KCNN2: variants seen among roughly 807,000 people sequenced by gnomAD.
The protein encoded by KCNN2 is potassium calcium-activated channel subfamily N member 2.
In KCNN2, 24 loss-of-function variants were observed where a neutral mutation model predicts 55.5. That is an observed-to-expected ratio of 0.43 (90% confidence interval 0.31 to 0.61). The LOEUF is 0.61. KCNN2 is among the 20% of genes least tolerant of loss of function. The probability of loss-of-function intolerance (pLI) is 0.08; values close to 1 mark genes in which losing one functional copy is unlikely to be tolerated. For missense variants in KCNN2, 754 were observed against 853.6 expected, an observed-to-expected ratio of 0.88 and a Z score of 1.45; for synonymous variants, 431 against 336.1, an observed-to-expected ratio of 1.28 and a Z score of -3.09.
chr5:114,077,848 T>G (rs1750715464), intron 1 of KCNN2, among the ~76,000 whole-genome samples: 1 of 152,148 alleles, frequency 6.6e-6, no homozygotes, highest in African/African-American at 2.4e-5. Context: ...AGGGGGGTGG[T>G]GAAGACTTGC....
At chr5:114,062,210 A>G (rs947986432) in intron 1 of KCNN2, among the ~76,000 whole-genome samples, 4 of 152,122 alleles carry the variant, frequency 2.6e-5, no homozygotes, top group Non-Finnish European at 4.4e-5. Flanking sequence ...GTATTTACCT[A>G]ATCTACTTCT....
chr5:114,272,344 A>G (rs1257044941), intron 2 of KCNN2, among the ~76,000 whole-genome samples: 1 of 56,590 alleles, frequency 1.8e-5, no homozygotes, highest in Non-Finnish European at 4.3e-5. Flanking sequence ...ACACACATAT[A>G]TGTATGTACA....
rs568260919 is a variant in KCNN2 at position 114,298,464 on chromosome 5, A to T, written c.-184-62481A>T. On this transcript the variant is annotated intron_variant, in intron 2 of 10. Coordinates refer to the KCNN2 transcript ENST00000512097. ...TTGCAACACTGGTGGCAATCCCAGCATACCCTAAGTGATCACCAGGAGATG... is the reference window on the plus strand; with the variant it reads ...TTGCAACACTGGTGGCAATCCCAGCTTACCCTAAGTGATCACCAGGAGATG... 4.2e-3 allele frequency among the ~76,000 whole-genome samples: 637 copies of T among 152,352 alleles called. 1 individual carries two copies. Among genetic ancestry groups the T allele is most frequent in the Middle Eastern group, 0.02 (6 of 294 alleles).
At chr5:114,145,936 T>G (rs1752390105) in intron 1 of KCNN2, among the ~76,000 whole-genome samples, 1 of 152,076 alleles carries the variant, frequency 6.6e-6, no homozygotes, top group South Asian at 2.1e-4. Flanking sequence ...GACGGTTGGA[T>G]GTGCTAGTTG....
intron 3 of KCNN2, among the ~76,000 whole-genome samples, chr5:114,453,413 C>T (rs548596125): frequency 6.6e-6 from 1 of 152,272 alleles, no homozygotes; most frequent in East Asian, 1.9e-4. Context: ...TATTTTTCTC[C>T]TCTTAGAAAC....
chr5:114,233,565 GT>G (rs1308304816), intron 2 of KCNN2, among the ~76,000 whole-genome samples: 1 of 152,042 alleles, frequency 6.6e-6, no homozygotes, highest in Non-Finnish European at 1.5e-5. Context: ...AGCCAACTTA[GT>G]TTTGGTCTTT....
chr5:114,346,118 A>G (rs116452228), intron 2 of KCNN2, among the ~76,000 whole-genome samples: 1 of 152,180 alleles, frequency 6.6e-6, no homozygotes, highest in Non-Finnish European at 1.5e-5. Flanking sequence ...AGGCAAAGAC[A>G]AGAGCAGGCA....
intron 3 of KCNN2, among the ~76,000 whole-genome samples, chr5:114,413,231 A>T (rs1410535465): frequency 6.6e-6 from 1 of 151,736 alleles, no homozygotes. Flanking sequence ...CTCAAATTCA[A>T]TTTTCTCTTC....
intron 2 of KCNN2, among the ~76,000 whole-genome samples, chr5:114,292,788 G>A (rs567597517): frequency 6.6e-6 from 1 of 152,266 alleles, no homozygotes; most frequent in East Asian, 1.9e-4. Context: ...TGGCAGTATG[G>A]CCATTTTCAC....
chr5:114,471,474 G>T (rs1309435100), intron 4 of KCNN2, among the ~76,000 whole-genome samples: 1 of 152,160 alleles, frequency 6.6e-6, no homozygotes, highest in Non-Finnish European at 1.5e-5. Flanking sequence ...CAATCCAGTT[G>T]AATTCATGTA....
chr5:114,073,282 A>G (rs1750615863), intron 1 of KCNN2, among the ~76,000 whole-genome samples: 1 of 152,222 alleles, frequency 6.6e-6, no homozygotes, highest in African/African-American at 2.4e-5. Flanking sequence ...GATGTCTTTA[A>G]ATAGCTTGAT....
At chr5:114,173,074 A>T (rs1239074279) in intron 1 of KCNN2, among the ~76,000 whole-genome samples, 1 of 151,952 alleles carries the variant, frequency 6.6e-6, no homozygotes, top group East Asian at 1.9e-4. Context: ...GAGGTCTTAG[A>T]TGTACATCTT....
chr5:114,253,026 C>T (rs1754903372), intron 2 of KCNN2, among the ~76,000 whole-genome samples: 1 of 152,114 alleles, frequency 6.6e-6, no homozygotes, highest in Admixed American at 6.5e-5. Flanking sequence ...CTCTGCTTCT[C>T]CTTGGGGGGT....
chr5:114,176,970 T>G (rs1753142275), intron 1 of KCNN2, among the ~76,000 whole-genome samples: 1 of 151,316 alleles, frequency 6.6e-6, no homozygotes, highest in African/African-American at 2.4e-5. Context: ...GGAGGAACAG[T>G]TTTTTTTTAA....
chr5:114,166,244 A>G (rs1249568020), intron 1 of KCNN2, among the ~76,000 whole-genome samples: 1 of 152,108 alleles, frequency 6.6e-6, no homozygotes, highest in East Asian at 1.9e-4. Flanking sequence ...TGCATCTGGC[A>G]AAGCCTCATT....
chr5:114,350,903 T>C (rs1397885413), intron 2 of KCNN2, among the ~76,000 whole-genome samples: 1 of 151,860 alleles, frequency 6.6e-6, no homozygotes, highest in Non-Finnish European at 1.5e-5. Flanking sequence ...CCTCCAACTT[T>C]ATTCTATTTA....
rs549623455 is a variant in KCNN2 at position 114,267,397 on chromosome 5, T to C, written c.-185+45832T>C. On this transcript the variant is annotated intron_variant, in intron 2 of 10. Transcript: ENST00000512097. ...ATTCTTCATTGCCTGGGAGTCTCCT[T>C]ATGCTCACAGAACTGCCCTTTACGC... Among the ~76,000 whole-genome samples, 338 of 152,246 alleles carry C rather than the reference T, an allele frequency of 2.2e-3. 2 individuals are homozygous for C. The highest frequency in any genetic ancestry group is 4.0e-3 in the Non-Finnish European group (270 of 68,026).
chr5:114,481,045 G>C (rs1028174883), intron 5 of KCNN2, among the ~76,000 whole-genome samples: 1 of 152,138 alleles, frequency 6.6e-6, no homozygotes, highest in Non-Finnish European at 1.5e-5. Flanking sequence ...ATTCAAATAG[G>C]AAGAGAGGAA....
intron 4 of KCNN2, among the ~76,000 whole-genome samples, 158 bp downstream of exon 4, chr5:114,463,348 G>A (rs1298547595): frequency 6.6e-6 from 1 of 152,210 alleles, no homozygotes; most frequent in African/African-American, 2.4e-5. Context: ...AATGTCAACA[G>A]TTTTCCTCTT....
Sources: gnomAD v4.1 joint callset for allele counts (sites outside exome capture counted in the v4.1 genomes callset) on GRCh38, gnomAD v4.1.1 for gene constraint, MANE v1.5 for transcripts, NCBI Gene and HGNC (gene_info 2026-07-23, HGNC 2026-07-21) for gene names.